Variants in PTPN22 observed in about 807,000 individuals in gnomAD.
PTPN22 encodes tyrosine-protein phosphatase non-receptor type 22.
A neutral mutation model predicts 103.3 loss-of-function variants in PTPN22; 85 were observed. The ratio of observed to expected loss-of-function variants is 0.82; its 90% CI spans 0.69 to 0.99. PTPN22 has a LOEUF of 0.99. Among genes scored for constraint, PTPN22 ranks in the 50% least tolerant of loss-of-function variants. The probability of loss-of-function intolerance (pLI) is 0.00; values close to 1 mark genes in which losing one functional copy is unlikely to be tolerated. For missense variants in PTPN22, 865 were observed against 936.9 expected (o/e 0.92, Z 1.00); for synonymous variants, 323 against 310.2 (o/e 1.04, Z -0.43).
At chr1:113,835,922 G>A (rs1004924583) in intron 13 of PTPN22, among the ~76,000 whole-genome samples, 1 of 123,666 alleles carries the variant, frequency 8.1e-6, no homozygotes. Flanking sequence ...GAAAATAAGG[G>A]TATGTTTTTA....
chr1:113,838,612 T>A (rs1028301505), exon 12 of PTPN22: 1 of 1,613,054 alleles, frequency 6.2e-7, no homozygotes. Flanking sequence ...TACAATGCTT[T>A]GCTTGACTCT....
intron 13 of PTPN22, among the ~76,000 whole-genome samples, chr1:113,836,155 GT>G (rs1663001080): frequency 6.6e-6 from 1 of 152,168 alleles, no homozygotes; most frequent in Non-Finnish European, 1.5e-5. Context: ...AATAAATAAT[GT>G]TATAGAGCAA....
intron 13 of PTPN22, among the ~76,000 whole-genome samples, 195 bp downstream of exon 13, chr1:113,837,395 A>G (rs1326856750): frequency 4.6e-5 from 7 of 151,560 alleles, no homozygotes; most frequent in Non-Finnish European, 8.8e-5. Flanking sequence ...AGTTGCATTG[A>G]GCCAAGATTG....
At chr1:113,852,499 C>T (rs962098125) in intron 9 of PTPN22, among the ~76,000 whole-genome samples, 5 of 152,158 alleles carry the variant, frequency 3.3e-5, no homozygotes, top group Non-Finnish European at 4.4e-5. Context: ...TAGATTGGAA[C>T]GCAAAGTATG....
chr1:113,837,705 A>G, exon 13 of PTPN22: 1 of 1,608,468 alleles, frequency 6.2e-7, no homozygotes, highest in Non-Finnish European at 8.5e-7. Context: ...TTGGCAACAG[A>G]GAAGAAGGAA....
intron 1 of PTPN22, among the ~76,000 whole-genome samples, chr1:113,866,459 C>T (rs560053551): frequency 4.6e-5 from 7 of 151,912 alleles, no homozygotes; most frequent in African/African-American, 7.2e-5. Context: ...TGCAGTGAGC[C>T]GAGATCATGC....
chr1:113,861,083 C>A (rs906646860), intron 1 of PTPN22, among the ~76,000 whole-genome samples: 20 of 152,106 alleles, frequency 1.3e-4, no homozygotes, highest in African/African-American at 3.6e-4. Context: ...AGCTGGATGA[C>A]AAAAGCAGAC....
intron 11 of PTPN22, among the ~76,000 whole-genome samples, chr1:113,846,949 G>T (rs536924650): frequency 2.2e-5 from 3 of 137,720 alleles, no homozygotes; most frequent in Admixed American, 1.4e-4. Flanking sequence ...TTTCAGCCCT[G>T]CCCTTTCTAT....
rs894010114 is a variant in PTPN22 at position 113,853,859 on chromosome 1, C to CTTT, written c.750+609_750+611dup. Among the ~76,000 whole-genome samples the CTTT allele has an allele frequency of 4.9e-3, 328 of 67,168 alleles. 1 individual carries two copies. Among genetic ancestry groups the CTTT allele is most frequent in the African/African-American group, 0.011 (175 of 15,238 alleles). 44.1% of individuals were successfully genotyped at this position (67,168 alleles called of 152,430 possible). ...ACCATGCCTGGCTAATTTTTTTTTGCTTTTTTTTTTTTTTTTTTTTTTTTG... is the reference window on the plus strand; with the variant it reads ...ACCATGCCTGGCTAATTTTTTTTTGCTTTTTTTTTTTTTTTTTTTTTTTTTTTG... On this transcript the variant is annotated intron_variant, in intron 9 of 20. Coordinates refer to ENST00000359785, the Ensembl canonical transcript of PTPN22.
At chr1:113,833,017 C>T (rs1441643524) in intron 16 of PTPN22, 94 bp downstream of exon 16, 2 of 1,234,278 alleles carry the variant, frequency 1.6e-6, no homozygotes, top group African/African-American at 3.1e-5. Context: ...TTATGGGAAC[C>T]AAGTAACTTC....
chr1:113,837,724 C>G, exon 13 of PTPN22: 1 of 1,611,758 alleles, frequency 6.2e-7, no homozygotes, highest in Non-Finnish European at 8.5e-7. Context: ...AAAAACAGTT[C>G]CATCTTGCTT....
chr1:113,866,732 C>CA (rs1666153948), intron 1 of PTPN22, among the ~76,000 whole-genome samples: 1 of 151,960 alleles, frequency 6.6e-6, no homozygotes, highest in African/African-American at 2.4e-5. Flanking sequence ...AGAAGATCCA[C>CA]AAAAAAAGCT....
At chr1:113,818,653 A>G (rs1661353506) in intron 20 of PTPN22, among the ~76,000 whole-genome samples, 1 of 152,202 alleles carries the variant, frequency 6.6e-6, no homozygotes, top group Admixed American at 6.5e-5. Flanking sequence ...AATTGTGTGT[A>G]GGCAATTTTG....
Position 113,871,685 on chromosome 1 carries a change from A to G in PTPN22, c.-62T>C. On this transcript the variant is annotated 5_prime_UTR_variant, in exon 1 of 21. The change abolishes an upstream ATG in the 5' untranslated region. Transcript: ENST00000359785. ...AGGGAGGGCATGTCAAATGTGTGTC[A>G]TGGCCGAGACACCTCCAAAAAGCCA... is the stretch of plus-strand genomic sequence containing the variant. 2.7e-6 allele frequency: 4 copies of G among 1,483,488 alleles called. No homozygotes were observed. Among genetic ancestry groups the G allele is most frequent in the Non-Finnish European group, 3.8e-6 (4 of 1,065,678 alleles). 91.9% of individuals were successfully genotyped at this position (1,483,488 alleles called of 1,614,324 possible).
At chr1:113,837,533 T>C (rs1571381202) in intron 13 of PTPN22, 57 bp downstream of exon 13, 1 of 1,273,390 alleles carries the variant, frequency 7.9e-7, no homozygotes. Flanking sequence ...AAACCAACTA[T>C]TCTATAGAAA....
chr1:113,825,130 G>A lies in PTPN22; in HGVS notation c.2281+12C>T, dbSNP rs760224404. 1.4e-6 allele frequency: 2 copies of A among 1,477,734 alleles called. No homozygotes were observed. The highest frequency in any genetic ancestry group is 1.2e-5 in the South Asian group (1 of 80,900). The allele number at this position is 1,477,734 out of a possible 1,614,324, so 91.5% of individuals were successfully genotyped here. ...GAGAAAACGATATTTTTAAACATAA[G>A]TACCAACTTACTCTTTTTCATGTTT... On this transcript the variant is annotated intron_variant, in intron 19 of 20. Transcript: ENST00000359785.
Position 113,837,886 on chromosome 1 carries a change from G to C in PTPN22, c.1514C>G (p.Ser505Cys), listed in dbSNP as rs570783720. 2,022 of 1,614,104 alleles carry C rather than the reference G, an allele frequency of 1.3e-3. 50 individuals are homozygous for C. In the South Asian group the frequency reaches 0.021, roughly 16 times the overall value. The change falls in exon 13 of 21, where the codon TCT (serine) becomes TGT (cysteine). Residue 505 changes from serine (S) to cysteine (C), a missense_variant. Coordinates refer to ENST00000359785, the Ensembl canonical transcript of PTPN22. Reference sequence around the variant, plus strand: ...AGAGGCATTACGTATTTGGTGTTTAGAGTCATATGGCAGTGAATAATTCAG... The same window carrying C: ...AGAGGCATTACGTATTTGGTGTTTACAGTCATATGGCAGTGAATAATTCAG...
intron 2 of PTPN22, 95 bp from the exon 3 acceptor site, chr1:113,859,173 T>A: frequency 6.4e-7 from 1 of 1,566,250 alleles, no homozygotes; most frequent in Non-Finnish European, 8.6e-7. Flanking sequence ...TGCTCATGAG[T>A]GAACAAGTGA....
In PTPN22 at chr1:113,857,780, G is replaced by C. The variant is rs1469252273; in HGVS notation, c.370-4C>G. The C allele has an allele frequency of 1.2e-6, 2 of 1,607,756 alleles. No homozygotes were observed. Among genetic ancestry groups the C allele is most frequent in the Non-Finnish European group, 1.7e-6 (2 of 1,176,526 alleles). ...CCATGCATGCCATAACAATGATCTG[G>C]GGGATGAAATAGATAGAAACTTAAA... On this transcript the variant is annotated splice_polypyrimidine_tract_variant and splice_region_variant and intron_variant, in intron 4 of 20. Coordinates refer to ENST00000359785, the Ensembl canonical transcript of PTPN22.
Sources: allele counts gnomAD v4.1 joint callset (sites outside exome capture counted in the v4.1 genomes callset), GRCh38; gene constraint gnomAD v4.1.1; transcripts MANE v1.5; gene names NCBI Gene and HGNC (gene_info 2026-07-23, HGNC 2026-07-21).